SMOC2: variants seen among roughly 807,000 people sequenced by gnomAD.
SMOC2 encodes SPARC related modular calcium binding 2.
Under a neutral mutation model 61.4 loss-of-function variants are expected in SMOC2, and 39 were observed. The observed-to-expected ratio is 0.64, with a 90% CI of 0.49 to 0.83. SMOC2 has a LOEUF of 0.83. Among genes scored for constraint, SMOC2 ranks in the 40% least tolerant of loss-of-function variants. The pLI is 0.00. For missense variants in SMOC2, 556 were observed against 592.9 expected (o/e 0.94, Z 0.65); for synonymous variants, 247 against 239.9 (o/e 1.03, Z -0.27).
chr6:168,499,130 G>C (rs531880907), intron 1 of SMOC2, among the ~76,000 whole-genome samples: 1 of 150,402 alleles, frequency 6.6e-6, no homozygotes, highest in Non-Finnish European at 1.5e-5. Context: ...TCTCTGGGGG[G>C]ACAGCCAGGG....
chr6:168,545,541 A>G (rs1244085182), intron 5 of SMOC2, among the ~76,000 whole-genome samples: 1 of 152,192 alleles, frequency 6.6e-6, no homozygotes, highest in African/African-American at 2.4e-5. Context: ...GGACGGGGGC[A>G]TGGAGTAGGG....
intron 8 of SMOC2, among the ~76,000 whole-genome samples, chr6:168,606,838 G>T (rs1311130197): frequency 6.6e-6 from 1 of 152,074 alleles, no homozygotes; most frequent in Admixed American, 6.5e-5. Flanking sequence ...TGTGCCCCAT[G>T]ATGGTGTTGG....
At chr6:168,560,502 A>ACACGAGGCTCTCAC (rs1562348117) in intron 7 of SMOC2, among the ~76,000 whole-genome samples, 6 of 149,340 alleles carry the variant, frequency 4.0e-5, no homozygotes, top group South Asian at 2.1e-4. Flanking sequence ...TGGCCCTGAG[A>ACACGAGGCTCTCAC]TGTGAGGCTC....
chr6:168,450,316 T>C (rs1294086258), intron 1 of SMOC2, among the ~76,000 whole-genome samples: 1 of 152,198 alleles, frequency 6.6e-6, no homozygotes, highest in Non-Finnish European at 1.5e-5. Context: ...GGATCCTATA[T>C]AAGAAGTTGT....
At chr6:168,585,965 G>A (rs1479508942) in intron 7 of SMOC2, among the ~76,000 whole-genome samples, 1 of 152,074 alleles carries the variant, frequency 6.6e-6, no homozygotes, top group Non-Finnish European at 1.5e-5. Flanking sequence ...TTTTCTTAAT[G>A]GTCTCTTTTG....
chr6:168,472,499 T>G (rs918872827), intron 1 of SMOC2, among the ~76,000 whole-genome samples: 1 of 152,164 alleles, frequency 6.6e-6, no homozygotes, highest in Non-Finnish European at 1.5e-5. Context: ...CAAAAAAAGT[T>G]TTTTTAAAAG....
At chr6:168,576,764 C>A (rs1784813337) in intron 7 of SMOC2, among the ~76,000 whole-genome samples, 1 of 152,010 alleles carries the variant, frequency 6.6e-6, no homozygotes, top group African/African-American at 2.4e-5. Context: ...GGTTTTCTGG[C>A]AGTGTCGTGA....
At chr6:168,599,926 T>C (rs1375174435) in intron 8 of SMOC2, among the ~76,000 whole-genome samples, 1 of 133,062 alleles carries the variant, frequency 7.5e-6, no homozygotes, top group Non-Finnish European at 1.6e-5. Flanking sequence ...CACACTCCCC[T>C]CTCATACACA....
chr6:168,592,704 G>A (rs71554946), intron 7 of SMOC2, among the ~76,000 whole-genome samples: 25 of 45,754 alleles, frequency 5.5e-4, no homozygotes, highest in Middle Eastern at 0.017. Context: ...GAGGATGGCC[G>A]AGCTCCTCCT....
chr6:168,657,965 G>C (rs113913370), intron 11 of SMOC2, among the ~76,000 whole-genome samples: 3,205 of 152,270 alleles, frequency 0.021, 132 homozygotes, highest in African/African-American at 0.072. Flanking sequence ...ACCATAACAG[G>C]CTGCTTTCTT....
At chr6:168,638,789 A>G (rs1489684879) in intron 9 of SMOC2, among the ~76,000 whole-genome samples, 1 of 152,210 alleles carries the variant, frequency 6.6e-6, no homozygotes, top group Admixed American at 6.5e-5. Flanking sequence ...TGGAATCAGA[A>G]GCGCTGTGCT....
At chr6:168,647,435 A>C (rs1299119353) in intron 9 of SMOC2, among the ~76,000 whole-genome samples, 1 of 152,216 alleles carries the variant, frequency 6.6e-6, no homozygotes, top group Non-Finnish European at 1.5e-5. Context: ...TGGCTTTGCT[A>C]TCAAGATGGG....
At chr6:168,503,064 C>CTT (rs1782773597) in intron 1 of SMOC2, among the ~76,000 whole-genome samples, 1 of 103,176 alleles carries the variant, frequency 9.7e-6, no homozygotes, top group African/African-American at 4.2e-5. Context: ...CCGTGCCTGG[C>CTT]CTTTTTTTTT....
At chr6:168,651,820 C>A (rs1787200495) in intron 10 of SMOC2, among the ~76,000 whole-genome samples, 1 of 152,190 alleles carries the variant, frequency 6.6e-6, no homozygotes. Flanking sequence ...GCAGGTGGAT[C>A]ACCTGAGGTC....
intron 1 of SMOC2, among the ~76,000 whole-genome samples, chr6:168,456,017 G>A (rs1277924512): frequency 6.6e-6 from 1 of 152,206 alleles, no homozygotes; most frequent in Non-Finnish European, 1.5e-5. Flanking sequence ...CCCCAGCCCA[G>A]CCTCTGACTG....
intron 11 of SMOC2, among the ~76,000 whole-genome samples, chr6:168,663,471 C>G (rs1418195208): frequency 2.6e-5 from 4 of 152,184 alleles, no homozygotes; most frequent in African/African-American, 4.8e-5. Context: ...ACGTGAATCC[C>G]CCGCCTTCTG....
At chr6:168,599,941 C>T (rs1367384663) in intron 8 of SMOC2, among the ~76,000 whole-genome samples, 2 of 151,346 alleles carry the variant, frequency 1.3e-5, no homozygotes, top group Non-Finnish European at 2.9e-5. Flanking sequence ...TACACACCCA[C>T]ACTCACACAT....
intron 4 of SMOC2, among the ~76,000 whole-genome samples, chr6:168,539,551 C>T (rs1324692312): frequency 1.3e-5 from 2 of 152,248 alleles, no homozygotes; most frequent in African/African-American, 4.8e-5. Flanking sequence ...GTGTCTGGGT[C>T]CCAGGACAGC....
chr6:168,598,715 G>C, intron 7 of SMOC2, 103 bp from the exon 8 acceptor site: 1 of 1,345,762 alleles, frequency 7.4e-7, no homozygotes, highest in Non-Finnish European at 1.0e-6. Context: ...GGGTGAAGGA[G>C]GACCACATCG....
Sources: gnomAD v4.1 joint callset for allele counts (sites outside exome capture counted in the v4.1 genomes callset) on GRCh38, gnomAD v4.1.1 for gene constraint, MANE v1.5 for transcripts, NCBI Gene and HGNC (gene_info 2026-07-23, HGNC 2026-07-21) for gene names.